The following RBM12 variants were observed in gnomAD, a reference collection of about 807,000 sequenced individuals.
The protein encoded by RBM12 is RNA binding motif protein 12, also known as RNA-binding protein 12.
In RBM12, 24 loss-of-function variants were observed where a neutral mutation model predicts 37.2. That is an observed-to-expected ratio of 0.65 (90% CI 0.47 to 0.91). The LOEUF (loss-of-function observed/expected upper bound fraction) is 0.91, where lower values mean the gene tolerates loss of function less well. Among genes scored for constraint, RBM12 ranks in the 40% least tolerant of loss-of-function variants. The probability of loss-of-function intolerance (pLI) is 0.00; values close to 1 mark genes in which losing one functional copy is unlikely to be tolerated. For synonymous variants in RBM12, 420 were observed against 425.2 expected (o/e 0.99, Z 0.15); for missense variants, 1,061 against 1,183.2 (o/e 0.90, Z 1.52).
In RBM12 at chr20:35,653,071, C is replaced by G. The variant is rs934324328; in HGVS notation, c.2252G>C (p.Arg751Thr). The change falls in exon 3 of 3, where the codon AGG becomes ACG. Residue 751 changes from arginine to threonine, a missense_variant. Coordinates refer to ENST00000374114, the MANE Select transcript of RBM12 (RefSeq NM_006047.6). ...GLGGGAFGDA[R>T]PGMPSVGNSG... ...GTTTCCAACTGAAGGCATACCAGGC[C>G]TAGCATCACCAAAGGCCCCGCCTCC... 9.9e-6 allele frequency: 16 copies of G among 1,613,810 alleles called. No individual in the cohort carries two copies. The highest frequency in any genetic ancestry group is 1.4e-5 in the Non-Finnish European group (16 of 1,180,036).
At chr20:35,661,418 A>G (rs1158912865) in intron 1 of RBM12, among the ~76,000 whole-genome samples, 1 of 152,232 alleles carries the variant, frequency 6.6e-6, no homozygotes, top group Non-Finnish European at 1.5e-5. Flanking sequence ...AATAATAACT[A>G]AACAATAAAA....
rs2033352933 is a variant in RBM12 at position 35,649,531 on chromosome 20, A to G, written c.*2993T>C. The G allele has an allele frequency of 6.6e-6, 1 of 152,638 alleles. No homozygotes were observed. The highest frequency in any genetic ancestry group is 2.4e-5 in the African/African-American group (1 of 41,446). 9.5% of individuals were successfully genotyped at this position (152,638 alleles called of 1,614,324 possible). Reference sequence around the variant, plus strand: ...CATTGTTGATGCTTTGACAACTTGGAGTACAAAGCTAGGAACTACATTTCA... The same window carrying G: ...CATTGTTGATGCTTTGACAACTTGGGGTACAAAGCTAGGAACTACATTTCA... On this transcript the variant is annotated 3_prime_UTR_variant, in exon 3 of 3. Transcript: ENST00000374114.
chr20:35,656,754 T>G (rs2033922793), intron 2 of RBM12, among the ~76,000 whole-genome samples: 1 of 147,600 alleles, frequency 6.8e-6, no homozygotes, highest in Admixed American at 6.7e-5. Context: ...TGATCCACCC[T>G]CCTCAGTCTT....
At chr20:35,657,612 A>T (rs1237867223) in intron 2 of RBM12, among the ~76,000 whole-genome samples, 1 of 152,234 alleles carries the variant, frequency 6.6e-6, no homozygotes, top group Admixed American at 6.5e-5. Flanking sequence ...GGATTTACTG[A>T]AAGTTTGTAC....
Position 35,653,213 on chromosome 20 carries a change from C to A in RBM12, c.2110G>T (p.Glu704Ter). ...GATCCTACAGTCAGGAAGGCATGCT[C>A]TTCACCTCCTGCACTAGGTATTCCT... ...SAGIPSAGGE[E>*]HAFLTVGSKE... Residue 704 changes from glutamate to a stop codon, truncating the protein, a stop_gained, in exon 3 of 3, where the codon GAG (glutamate) becomes TAG (stop). Transcript: ENST00000374114. LOFTEE classifies it high-confidence loss of function. The A allele has an allele frequency of 6.2e-7, 1 of 1,613,544 alleles. No individual in the cohort carries two copies. The highest frequency in any genetic ancestry group is 8.5e-7 in the Non-Finnish European group (1 of 1,179,962).
In RBM12 at chr20:35,649,097, C is replaced by T. The variant is rs987003866; in HGVS notation, c.*3427G>A. ...CAAGCCATTTTGTTGTGTTTGGTTT[C>T]TAAAGTCTGGACTACTATAGAACTG... On this transcript the variant is annotated 3_prime_UTR_variant, in exon 3 of 3. Transcript: ENST00000374114. 6.6e-6 allele frequency: 1 copy of T among 152,552 alleles called. No individual in the cohort carries two copies. The highest frequency in any genetic ancestry group is 2.4e-5 in the African/African-American group (1 of 41,430). The allele number at this position is 152,552 out of a possible 1,614,324, so 9.4% of individuals were successfully genotyped here.
chr20:35,652,513 G>T lies in RBM12; in HGVS notation c.*11C>A. 1 of 1,600,198 alleles carries T rather than the reference G, an allele frequency of 6.2e-7. No individual in the cohort carries two copies. The highest frequency in any genetic ancestry group is 8.5e-7 in the Non-Finnish European group (1 of 1,174,700). On this transcript the variant is annotated 3_prime_UTR_variant, in exon 3 of 3. Coordinates refer to ENST00000374114, the MANE Select transcript of RBM12 (RefSeq NM_006047.6). The stretch of plus-strand genomic sequence containing the variant: ...TATGAAGATCTACCCTATAAAAAAT[G>T]ATGTGAATGGCTACCCTAATACAAG...
intron 1 of RBM12, among the ~76,000 whole-genome samples, chr20:35,659,498 T>G (rs2146372373): frequency 6.6e-6 from 1 of 152,348 alleles, no homozygotes; most frequent in South Asian, 2.1e-4. Context: ...TCTTTCAATA[T>G]ATTTTATTTT....
At chr20:35,664,657 G>T (rs1363158922) in intron 1 of RBM12, 103 bp downstream of exon 1, 1 of 152,468 alleles carries the variant, frequency 6.6e-6, no homozygotes, top group Non-Finnish European at 1.5e-5. Context: ...TGGGGCGCTA[G>T]TTGCCGCGGG....
chr20:35,661,305 A>G (rs1416622952), intron 1 of RBM12, among the ~76,000 whole-genome samples: 1 of 152,222 alleles, frequency 6.6e-6, no homozygotes, highest in Non-Finnish European at 1.5e-5. Flanking sequence ...CCAGGAAACT[A>G]CTATTCCTGT....
rs2033714327 is a variant in RBM12 at position 35,653,840 on chromosome 20, T to A, written c.1483A>T (p.Met495Leu). 6.2e-7 allele frequency: 1 copy of A among 1,613,924 alleles called. No homozygotes were observed. The highest frequency in any genetic ancestry group is 8.5e-7 in the Non-Finnish European group (1 of 1,180,040). The change falls in exon 3 of 3, where the codon ATG (methionine) becomes TTG (leucine). Residue 495 changes from methionine (M) to leucine (L), a missense_variant. Around this residue, in one of 3 missense-constraint regions of RBM12, gnomAD observed 540 missense variants for 632.7 expected, o/e 0.85. Transcript: ENST00000374114. ...KAALCRHKQYMGNRFIQVHPI... is the reference protein window; with the variant it reads ...KAALCRHKQYLGNRFIQVHPI... ...TGAACTTGAATAAAGCGATTGCCCATGTACTGTTTATGACGACACAGAGCA... is the reference window on the plus strand; with the variant it reads ...TGAACTTGAATAAAGCGATTGCCCAAGTACTGTTTATGACGACACAGAGCA...
At position 35,650,330 on chromosome 20, in the gene RBM12, G is replaced by A. The variant is rs1300703374; in HGVS notation, c.*2194C>T. 2 of 152,228 alleles carry A rather than the reference G, an allele frequency of 1.3e-5. No homozygotes were observed. The highest frequency in any genetic ancestry group is 2.9e-5 in the Non-Finnish European group (2 of 67,998). 9.4% of individuals were successfully genotyped at this position (152,228 alleles called of 1,614,324 possible). ...GAAATAACAAAGTAGTTGCAATAAA[G>A]TGTATGAAATATTTAATAAGAATGT... is the stretch of plus-strand genomic sequence containing the variant. On this transcript the variant is annotated 3_prime_UTR_variant, in exon 3 of 3. Transcript: ENST00000374114.
At position 35,655,326 on chromosome 20, in the gene RBM12, G is replaced by A; in HGVS notation, c.-4C>T. ...GCAAACGGATGACCACAGCCATGCT[G>A]CGCTGAAACCACACACACCTGCAGA... On this transcript the variant is annotated 5_prime_UTR_variant, in exon 3 of 3. Coordinates refer to ENST00000374114, the MANE Select transcript of RBM12 (RefSeq NM_006047.6). 1 of 1,602,802 alleles carries A rather than the reference G, an allele frequency of 6.2e-7. No homozygotes were observed. Among genetic ancestry groups the A allele is most frequent in the Non-Finnish European group, 8.5e-7 (1 of 1,178,452 alleles).
In RBM12 at chr20:35,654,138, C is replaced by T. The variant is rs1348604854; in HGVS notation, c.1185G>A (p.Met395Ile). The T allele has an allele frequency of 5.6e-6, 9 of 1,614,208 alleles. No homozygotes were observed. Among genetic ancestry groups the T allele is most frequent in the Non-Finnish European group, 7.6e-6 (9 of 1,180,044 alleles). ...AGGHITFKQN[M>I]GPSGQTHPPP... is the part of the protein sequence containing the mutation. Reference sequence around the variant, plus strand: ...GGGGATGAGTTTGTCCAGAAGGTCCCATATTTTGCTTAAAAGTGATATGGC... The same window carrying T: ...GGGGATGAGTTTGTCCAGAAGGTCCTATATTTTGCTTAAAAGTGATATGGC... The change falls in exon 3 of 3, where the codon ATG becomes ATA. Residue 395 changes from methionine (M) to isoleucine (I), a missense_variant. Met to Ile is a conservative substitution (Grantham distance 10). Transcript: ENST00000374114.
At chr20:35,661,976 T>C (rs1352592337) in intron 1 of RBM12, among the ~76,000 whole-genome samples, 1 of 152,200 alleles carries the variant, frequency 6.6e-6, no homozygotes, top group Non-Finnish European at 1.5e-5. Flanking sequence ...CTAAAAACAG[T>C]ATAATCACAT....
chr20:35,654,191 T>C lies in RBM12; in HGVS notation c.1132A>G (p.Thr378Ala). The change falls in exon 3 of 3, where the codon ACA becomes GCA. Residue 378 changes from threonine (T) to alanine (A), a missense_variant. Physicochemically the swap from Thr to Ala is moderately conservative, Grantham distance 58. Around this residue, in one of 3 missense-constraint regions of RBM12, gnomAD observed 540 missense variants for 632.7 expected, o/e 0.85. Transcript: ENST00000374114. The part of the protein sequence containing the change: ...IQRYVEVSPA[T>A]ERQWVAAGGH... ...CCAGCAGCTACCCACTGTCTTTCTG[T>C]GGCAGGGCTAACTTCCACATAGCGT... 1 of 1,614,270 alleles carries C rather than the reference T, an allele frequency of 6.2e-7. No individual in the cohort carries two copies. Among genetic ancestry groups the C allele is most frequent in the Non-Finnish European group, 8.5e-7 (1 of 1,180,046 alleles).
Position 35,649,878 on chromosome 20 carries a change from C to G in RBM12, c.*2646G>C, listed in dbSNP as rs982094776. 1 of 152,194 alleles carries G rather than the reference C, an allele frequency of 6.6e-6. No homozygotes were observed. The highest frequency in any genetic ancestry group is 1.5e-5 in the Non-Finnish European group (1 of 67,980). 9.4% of individuals were successfully genotyped at this position (152,194 alleles called of 1,614,324 possible). A position where few individuals can be genotyped will look rare whatever the true frequency, so the allele number is the denominator to read the frequency against. On this transcript the variant is annotated 3_prime_UTR_variant, in exon 3 of 3. Transcript: ENST00000374114. ...AATTTACACATAAAATTGAAAATATCATGATAGTGTTTACAAATGCACACA... is the reference window on the plus strand; with the variant it reads ...AATTTACACATAAAATTGAAAATATGATGATAGTGTTTACAAATGCACACA...
At chr20:35,664,050 A>G (rs909852359) in intron 1 of RBM12, among the ~76,000 whole-genome samples, 1 of 152,144 alleles carries the variant, frequency 6.6e-6, no homozygotes, top group Non-Finnish European at 1.5e-5. Context: ...CAATTCTCAG[A>G]GCCTCAGGAG....
Position 35,649,115 on chromosome 20 carries a change from T to C in RBM12, c.*3409A>G, listed in dbSNP as rs1459872622. ...TTGGTTTCTAAAGTCTGGACTACTA[T>C]AGAACTGCCAGTAAAACAATTTAAA... On this transcript the variant is annotated 3_prime_UTR_variant, in exon 3 of 3. Coordinates refer to ENST00000374114, the MANE Select transcript of RBM12 (RefSeq NM_006047.6). 2 of 152,588 alleles carry C rather than the reference T, an allele frequency of 1.3e-5. No individual in the cohort carries two copies. The highest frequency in any genetic ancestry group is 6.5e-5 in the Admixed American group (1 of 15,290). 9.5% of individuals were successfully genotyped at this position (152,588 alleles called of 1,614,324 possible). A position where few individuals can be genotyped will look rare whatever the true frequency, so the allele number is the denominator to read the frequency against.
Sources: gnomAD v4.1 joint callset for allele counts (sites outside exome capture counted in the v4.1 genomes callset) on GRCh38, gnomAD v4.1.1 for gene constraint, gnomAD v4.1.1 regional missense constraint, MANE v1.5 for transcripts, NCBI Gene and HGNC (gene_info 2026-07-23, HGNC 2026-07-21) for gene names.